The following GALNT18 variants were observed in gnomAD, a reference collection of about 807,000 sequenced individuals.
GALNT18 encodes the protein polypeptide N-acetylgalactosaminyltransferase 18.
A neutral mutation model predicts 69.5 loss-of-function variants in GALNT18; 44 were observed. That is an observed-to-expected ratio of 0.63 (90% CI 0.50 to 0.81). The LOEUF (loss-of-function observed/expected upper bound fraction) is 0.81. Among genes scored for constraint, GALNT18 ranks in the 40% least tolerant of loss-of-function variants. The pLI is 0.00. For missense variants in GALNT18, 715 were observed against 810.0 expected (o/e 0.88, Z 1.42); for synonymous variants, 364 against 318.2 (o/e 1.14, Z -1.53).
intron 1 of GALNT18, among the ~76,000 whole-genome samples, chr11:11,517,783 C>T (rs1342984087): frequency 6.6e-6 from 1 of 152,126 alleles, no homozygotes; most frequent in Non-Finnish European, 1.5e-5. Context: ...GTGGTCCCTA[C>T]CCCAGCCCCC....
In GALNT18 at chr11:11,505,820, G is replaced by T. The variant is rs993653855; in HGVS notation, c.236-56884C>A. On this transcript the variant is annotated intron_variant, in intron 1 of 10. Coordinates refer to ENST00000227756, the MANE Select transcript of GALNT18 (RefSeq NM_198516.3). This position sits in a 1 kb window ranked among gnomAD's most constrained non-coding sequence, Gnocchi z 4.6. ...GCTTTCTTCCCACTGTTTCACATCT[G>T]GACCCTTTCCACAGTAAATCCTCTA... Among the ~76,000 whole-genome samples the T allele has an allele frequency of 6.6e-6, 1 of 152,064 alleles. No individual in the cohort carries two copies. The highest frequency in any genetic ancestry group is 2.1e-4 in the South Asian group (1 of 4,806).
At chr11:11,457,731 C>A (rs1239458536) in intron 1 of GALNT18, among the ~76,000 whole-genome samples, 1 of 152,162 alleles carries the variant, frequency 6.6e-6, no homozygotes, top group African/African-American at 2.4e-5. Flanking sequence ...CCCAGGAAAC[C>A]ACTGGAGCCT....
chr11:11,353,042 G>T, intron 6 of GALNT18: 1 of 1,614,134 alleles, frequency 6.2e-7, no homozygotes. Flanking sequence ...CATGTGACTC[G>T]TAATCCCAGT....
rs574561820 is a variant in GALNT18, at chr11:11,472,151, C to T, written c.236-23215G>A. ...GGCACAGCTGATAGCAACCAATTCC[C>T]ATGACAGGACAGGGGCTCCACTACC... On this transcript the variant is annotated intron_variant, in intron 1 of 10. Transcript: ENST00000227756. Among the ~76,000 whole-genome samples, 4 of 152,352 alleles carry T rather than the reference C, an allele frequency of 2.6e-5. No homozygotes were observed. The South Asian group carries it at 6.2e-4, about 24-fold the overall frequency.
Position 11,387,762 on chromosome 11 carries a change from G to A in GALNT18, c.596-8498C>T, listed in dbSNP as rs1282119599. The stretch of plus-strand genomic sequence containing the variant: ...CAGATGTCACCGTCCGCACCTCCAT[G>A]GAGAATCTGGAGTGGGGGCTCAGGA... On this transcript the variant is annotated intron_variant, in intron 3 of 10. Transcript: ENST00000227756. This position sits in a 1 kb window ranked among gnomAD's most constrained non-coding sequence, Gnocchi z 4.6. Among the ~76,000 whole-genome samples, 1 of 152,224 alleles carries A rather than the reference G, an allele frequency of 6.6e-6. No individual in the cohort carries two copies. Among genetic ancestry groups the A allele is most frequent in the African/African-American group, 2.4e-5 (1 of 41,468 alleles).
In GALNT18 at chr11:11,585,263, G is replaced by C. The variant is rs551362067; in HGVS notation, c.235+36096C>G. On this transcript the variant is annotated intron_variant, in intron 1 of 10. Coordinates refer to ENST00000227756, the MANE Select transcript of GALNT18 (RefSeq NM_198516.3). Reference sequence around the variant, plus strand: ...TAGAAACTTATCACTTGTCCAGTTTGGGTGTAGTATCAAAGAAGAATATCC... The same window carrying C: ...TAGAAACTTATCACTTGTCCAGTTTCGGTGTAGTATCAAAGAAGAATATCC... Among the ~76,000 whole-genome samples the C allele has an allele frequency of 5.3e-5, 8 of 152,246 alleles. No individual in the cohort carries two copies. In the South Asian group the frequency reaches 1.5e-3, roughly 28 times the overall value.
chr11:11,361,399 A>T (rs1360561394), intron 6 of GALNT18, among the ~76,000 whole-genome samples: 1 of 152,218 alleles, frequency 6.6e-6, no homozygotes, highest in African/African-American at 2.4e-5. Context: ...TAGTACCTAC[A>T]TTTCAAGGTA....
At chr11:11,445,712 G>C (rs1280170480) in intron 2 of GALNT18, among the ~76,000 whole-genome samples, 1 of 152,172 alleles carries the variant, frequency 6.6e-6, no homozygotes, top group African/African-American at 2.4e-5. Context: ...CCCTCCCTGA[G>C]GAGTGAGGAG....
intron 7 of GALNT18, among the ~76,000 whole-genome samples, chr11:11,334,266 G>A (rs2133050798): frequency 6.6e-6 from 1 of 152,300 alleles, no homozygotes; most frequent in South Asian, 2.1e-4. Flanking sequence ...TTAGGGGCCA[G>A]GCGCAGTGGC....
chr11:11,554,231 A>G (rs186133989), intron 1 of GALNT18, among the ~76,000 whole-genome samples: 66 of 152,250 alleles, frequency 4.3e-4, no homozygotes, highest in South Asian at 1.9e-3. Flanking sequence ...AGTCCTGCCA[A>G]TGCCCTTCCT....
chr11:11,393,055 C>A (rs1210179072), intron 3 of GALNT18, among the ~76,000 whole-genome samples: 1 of 152,150 alleles, frequency 6.6e-6, no homozygotes, highest in South Asian at 2.1e-4. Context: ...GAAGGCAGGG[C>A]AGGGCATGTC....
rs1015603331 is a variant in GALNT18 at position 11,339,950 on chromosome 11, C to T, written c.1278+869G>A. On this transcript the variant is annotated intron_variant, in intron 7 of 10. Transcript: ENST00000227756. The surrounding 1 kb of genome is among the most constrained non-coding windows in gnomAD (Gnocchi z 5.2). The stretch of plus-strand genomic sequence containing the variant: ...TCCCCATTAGAAGCTTCCTAAAGGA[C>T]TCCAAAAGGGATTGCCATGGCCTTG... Among the ~76,000 whole-genome samples the T allele has an allele frequency of 2.6e-5, 4 of 152,176 alleles. No homozygotes were observed. The highest frequency in any genetic ancestry group is 5.9e-5 in the Non-Finnish European group (4 of 68,032).
At chr11:11,428,395 G>A (rs995892352) in intron 3 of GALNT18, among the ~76,000 whole-genome samples, 1 of 152,198 alleles carries the variant, frequency 6.6e-6, no homozygotes, top group African/African-American at 2.4e-5. Context: ...GGGAACTCTA[G>A]CCAGGGCCAG....
intron 1 of GALNT18, among the ~76,000 whole-genome samples, chr11:11,569,586 T>C (rs1055591938): frequency 6.6e-6 from 1 of 152,176 alleles, no homozygotes; most frequent in African/African-American, 2.4e-5. Flanking sequence ...GGACCCATAT[T>C]CTATCATAGG....
intron 6 of GALNT18, among the ~76,000 whole-genome samples, chr11:11,351,340 T>C (rs1050180035): frequency 6.6e-6 from 1 of 152,208 alleles, no homozygotes; most frequent in African/African-American, 2.4e-5. Context: ...AGGTCCAGGT[T>C]TGAAGATGAC....
rs962850434 is a variant in GALNT18 at position 11,356,106 on chromosome 11, C to T, written c.1093-15102G>A. The stretch of plus-strand genomic sequence containing the variant: ...AAAAAATGTGCTCACAGGTACCCTG[C>T]CCTTTGCATTGCTTTACAAAGCCAA... On this transcript the variant is annotated intron_variant, in intron 6 of 10. Transcript: ENST00000227756. The surrounding 1 kb of genome is among the most constrained non-coding windows in gnomAD (Gnocchi z 4.4). Among the ~76,000 whole-genome samples, 2 of 152,212 alleles carry T rather than the reference C, an allele frequency of 1.3e-5. No homozygotes were observed. The highest frequency in any genetic ancestry group is 2.4e-5 in the African/African-American group (1 of 41,452).
chr11:11,306,867 T>C (rs531130500), intron 9 of GALNT18, among the ~76,000 whole-genome samples: 1 of 152,370 alleles, frequency 6.6e-6, no homozygotes, highest in East Asian at 1.9e-4. Context: ...GTGTCTTACT[T>C]TGGGCCAATG....
At chr11:11,302,799 G>A (rs1328422944) in intron 9 of GALNT18, among the ~76,000 whole-genome samples, 1 of 152,192 alleles carries the variant, frequency 6.6e-6, no homozygotes, top group African/African-American at 2.4e-5. Context: ...CTCTGGAGAC[G>A]CAGTCATTGC....
rs1318518365 is a variant in GALNT18 at position 11,596,308 on chromosome 11, T to A, written c.235+25051A>T. 2.0e-5 allele frequency among the ~76,000 whole-genome samples: 3 copies of A among 152,142 alleles called. No individual in the cohort carries two copies. Among genetic ancestry groups the A allele is most frequent in the African/African-American group, 7.2e-5 (3 of 41,458 alleles). ...TGTAGCTTCACAGTACATTTTCAGA[T>A]CAAAAAAATGTGAGTTGTCCATTTT... is the stretch of plus-strand genomic sequence containing the variant. On this transcript the variant is annotated intron_variant, in intron 1 of 10. Transcript: ENST00000227756. The surrounding 1 kb of genome is among the most constrained non-coding windows in gnomAD (Gnocchi z 4.2).
Sources: gnomAD v4.1 joint callset for allele counts (sites outside exome capture counted in the v4.1 genomes callset) on GRCh38, gnomAD v4.1.1 for gene constraint, Gnocchi (gnomAD v3.1) non-coding constraint, MANE v1.5 for transcripts, NCBI Gene and HGNC (gene_info 2026-07-23, HGNC 2026-07-21) for gene names.